Variants in ZNF566 observed in about 807,000 individuals in gnomAD.
ZNF566 encodes zinc finger protein 566.
In ZNF566, 27 loss-of-function variants were observed where a neutral mutation model predicts 32.8. The ratio of observed to expected loss-of-function variants is 0.82; its 90% CI spans 0.61 to 1.14. The LOEUF (loss-of-function observed/expected upper bound fraction) is 1.14, where lower values mean the gene tolerates loss of function less well. Ranked by LOEUF, ZNF566 falls within the 50% of genes most tolerant of loss-of-function variation. The pLI, the probability that ZNF566 is intolerant of heterozygous loss-of-function variation, is 0.00. For synonymous variants in ZNF566, 154 were observed against 159.5 expected, an observed-to-expected ratio of 0.97 and a Z score of 0.26; for missense variants, 402 against 490.4, an observed-to-expected ratio of 0.82 and a Z score of 1.70.
chr19:36,463,946 G>A (rs1023023355), intron 4 of ZNF566, among the ~76,000 whole-genome samples: 13 of 151,674 alleles, frequency 8.6e-5, no homozygotes, highest in Non-Finnish European at 1.6e-4. Flanking sequence ...GGCTGGTCTC[G>A]AACTCCTGGC....
chr19:36,465,821 TA>T (rs1419534506), intron 4 of ZNF566, among the ~76,000 whole-genome samples: 2 of 151,834 alleles, frequency 1.3e-5, no homozygotes, highest in Non-Finnish European at 2.9e-5. Flanking sequence ...TTGAAAAGCA[TA>T]AAGGTCATTG....
chr19:36,461,326 A>G (rs780335498), intron 4 of ZNF566, among the ~76,000 whole-genome samples: 58 of 152,330 alleles, frequency 3.8e-4, no homozygotes, highest in Non-Finnish European at 7.4e-4. Context: ...TGTTACTTCA[A>G]TGGAGTTTTC....
chr19:36,452,932 A>G (rs1294159668), intron 4 of ZNF566, among the ~76,000 whole-genome samples: 2 of 152,042 alleles, frequency 1.3e-5, no homozygotes, highest in Non-Finnish European at 2.9e-5. Context: ...AGCCTGCCCA[A>G]TATGGTGAAA....
chr19:36,469,548 A>G (rs191669143), intron 4 of ZNF566, among the ~76,000 whole-genome samples: 31 of 152,184 alleles, frequency 2.0e-4, no homozygotes, highest in African/African-American at 6.5e-4. Context: ...CTCGAAAACA[A>G]AGAAAAAAAA....
intron 4 of ZNF566, among the ~76,000 whole-genome samples, chr19:36,458,653 C>T (rs1374078561): frequency 2.0e-5 from 3 of 152,030 alleles, no homozygotes; most frequent in Non-Finnish European, 2.9e-5. Flanking sequence ...AGAACGTATA[C>T]CATAGTAACT....
intron 1 of ZNF566, among the ~76,000 whole-genome samples, chr19:36,478,560 TG>T (rs1223706670): frequency 1.3e-5 from 2 of 151,570 alleles, no homozygotes; most frequent in East Asian, 3.9e-4. Flanking sequence ...CCTCCCATGC[TG>T]AATTCTTACA....
At chr19:36,462,636 G>A (rs1243158213) in intron 4 of ZNF566, among the ~76,000 whole-genome samples, 2 of 151,622 alleles carry the variant, frequency 1.3e-5, no homozygotes, top group East Asian at 3.9e-4. Context: ...AAACAGGGGG[G>A]AAAATATAGA....
chr19:36,450,202 A>G (rs1213051152), intron 4 of ZNF566, among the ~76,000 whole-genome samples: 1 of 152,172 alleles, frequency 6.6e-6, no homozygotes, highest in African/African-American at 2.4e-5. Context: ...ATTGCTATAG[A>G]TCAGAATTAC....
rs777749598 is a variant in ZNF566 at position 36,473,394 on chromosome 19, T to C, written c.74A>G (p.Asp25Gly). 5.6e-6 allele frequency: 9 copies of C among 1,613,814 alleles called. No homozygotes were observed. The highest frequency in any genetic ancestry group is 7.6e-6 in the Non-Finnish European group (9 of 1,179,798). The change falls in exon 3 of 5, where the codon GAT becomes GGT. Residue 25 changes from aspartate (D) to glycine (G), a missense_variant. Coordinates refer to ENST00000452939, the MANE Select transcript of ZNF566 (RefSeq NM_001145344.1). ...FSQEEWECLN[D>G]DQRDLYRDVM... is the part of the protein sequence containing the mutation. Reference sequence around the variant, plus strand: ...ATCTCTGTATAAATCTCTCTGATCATCATTCAGGCATTCCCACTCCTCCTG... The same window carrying C: ...ATCTCTGTATAAATCTCTCTGATCACCATTCAGGCATTCCCACTCCTCCTG...
intron 4 of ZNF566, among the ~76,000 whole-genome samples, chr19:36,471,953 AG>A (rs1323025263): frequency 6.6e-6 from 1 of 152,080 alleles, no homozygotes; most frequent in Admixed American, 6.6e-5. Context: ...CATGTTGGCC[AG>A]GCTGGTCTTG....
At chr19:36,480,935 C>G (rs2034013870) in intron 1 of ZNF566, among the ~76,000 whole-genome samples, 1 of 151,848 alleles carries the variant, frequency 6.6e-6, no homozygotes, top group Admixed American at 6.6e-5. Flanking sequence ...CCCAGCTACT[C>G]AGGAGGCTGA....
intron 4 of ZNF566, among the ~76,000 whole-genome samples, chr19:36,466,017 T>A (rs2033603644): frequency 6.6e-6 from 1 of 151,026 alleles, no homozygotes; most frequent in Admixed American, 6.6e-5. Context: ...AACAAGGCAA[T>A]ATTTGAAGAG....
rs890794805 is a variant in ZNF566, at chr19:36,445,662, A to G, written c.*3315T>C. 4 of 152,300 alleles carry G rather than the reference A, an allele frequency of 2.6e-5. No individual in the cohort carries two copies. Among genetic ancestry groups the G allele is most frequent in the Admixed American group, 2.0e-4 (3 of 15,294 alleles). 9.4% of individuals were successfully genotyped at this position (152,300 alleles called of 1,614,324 possible). The stretch of plus-strand genomic sequence containing the variant: ...TGGAAAAATGCCGTCTCTACTAAAA[A>G]TACAAAATTTTCCAGGCGTAGTGGC... On this transcript the variant is annotated 3_prime_UTR_variant, in exon 5 of 5. Coordinates refer to ENST00000452939, the MANE Select transcript of ZNF566 (RefSeq NM_001145344.1).
chr19:36,467,857 A>C (rs1191153066), intron 4 of ZNF566, among the ~76,000 whole-genome samples: 3 of 149,520 alleles, frequency 2.0e-5, no homozygotes, highest in Admixed American at 6.7e-5. Context: ...TTAAAACCAC[A>C]CTGAATTATT....
chr19:36,451,956 A>C (rs1044871153), intron 4 of ZNF566, among the ~76,000 whole-genome samples: 2 of 152,064 alleles, frequency 1.3e-5, no homozygotes, highest in South Asian at 4.1e-4. Context: ...GCAGTGAGCC[A>C]AGATCACACC....
chr19:36,462,991 T>A (rs1265468734), intron 4 of ZNF566, among the ~76,000 whole-genome samples: 1,366 of 56,058 alleles, frequency 0.024, no homozygotes, highest in Non-Finnish European at 0.038. Context: ...AAAAAAAAAA[T>A]CCCATTTCCT....
chr19:36,475,253 C>A (rs2033856235), intron 2 of ZNF566, among the ~76,000 whole-genome samples: 1 of 152,050 alleles, frequency 6.6e-6, no homozygotes, highest in African/African-American at 2.4e-5. Context: ...CCATGTTGCC[C>A]AGGCTAGTCA....
In ZNF566 at chr19:36,489,547, G is replaced by T. The variant is rs1314045797; in HGVS notation, c.-121C>A. The T allele has an allele frequency of 2.8e-6, 1 of 357,034 alleles. No individual in the cohort carries two copies. Among genetic ancestry groups the T allele is most frequent in the Non-Finnish European group, 5.5e-6 (1 of 180,672 alleles). The allele number at this position is 357,034 out of a possible 1,614,324, so 22.1% of individuals were successfully genotyped here. On this transcript the variant is annotated 5_prime_UTR_variant, in exon 1 of 5. Coordinates refer to ENST00000452939, the MANE Select transcript of ZNF566 (RefSeq NM_001145344.1). ...GGTAGTTGCTGGTAAAGCCCTGAGG[G>T]TCCCGCCAGCGCGTGAGTTGGAAGC... is the stretch of plus-strand genomic sequence containing the variant.
chr19:36,458,820 A>G (rs1034041492), intron 4 of ZNF566, among the ~76,000 whole-genome samples: 1 of 152,242 alleles, frequency 6.6e-6, no homozygotes, highest in Non-Finnish European at 1.5e-5. Context: ...GTATACACAT[A>G]TATCAAAATA....
Sources: allele counts gnomAD v4.1 joint callset (sites outside exome capture counted in the v4.1 genomes callset), GRCh38; gene constraint gnomAD v4.1.1; transcripts MANE v1.5; gene names NCBI Gene and HGNC (gene_info 2026-07-23, HGNC 2026-07-21).